OPHN1: variants seen among roughly 807,000 people sequenced by gnomAD.
OPHN1 encodes oligophrenin-1.
A neutral mutation model predicts 60.7 loss-of-function variants in OPHN1; 11 were observed. That is an observed-to-expected ratio of 0.18 (90% CI 0.11 to 0.30). The LOEUF is 0.30. Ranked by LOEUF, OPHN1 falls within the 10% of genes least tolerant of loss-of-function variation. The probability of loss-of-function intolerance (pLI) is 1.00; values close to 1 mark genes in which losing one functional copy is unlikely to be tolerated. For missense variants in OPHN1, 449 were observed against 611.0 expected (o/e 0.73, Z 2.80); for synonymous variants, 226 against 222.6 (o/e 1.02, Z -0.14).
chrX:68,408,947 C>T (rs1181175575), intron 2 of OPHN1, among the ~76,000 whole-genome samples: 1 of 112,364 alleles, frequency 8.9e-6, no homozygotes, highest in Non-Finnish European at 1.9e-5. Context: ...GGAAACAGAG[C>T]GAGACTCCGT....
At chrX:68,322,616 G>A (rs1480259060) in intron 2 of OPHN1, among the ~76,000 whole-genome samples, 5 of 110,808 alleles carry the variant, frequency 4.5e-5, no homozygotes, top group African/African-American at 1.6e-4. Context: ...ATGAAACCCC[G>A]TCTCCACTAA....
At chrX:68,266,290 T>G (rs947902318) in intron 5 of OPHN1, among the ~76,000 whole-genome samples, 2 of 111,629 alleles carry the variant, frequency 1.8e-5, no homozygotes, top group African/African-American at 6.5e-5. Context: ...AAGGTCGGGT[T>G]ACCCACAAAG....
At chrX:68,432,616 G>A (rs1046868857) in intron 2 of OPHN1, among the ~76,000 whole-genome samples, 3 of 111,776 alleles carry the variant, frequency 2.7e-5, no homozygotes, top group African/African-American at 6.5e-5. Context: ...TGCTGAGCAA[G>A]AGGGTCCCTG....
intron 15 of OPHN1, among the ~76,000 whole-genome samples, chrX:68,120,658 G>T (rs752558307): frequency 1.8e-5 from 2 of 111,853 alleles, no homozygotes; most frequent in African/African-American, 6.5e-5. Flanking sequence ...CATATGAAAT[G>T]ACAAAAGACC....
chrX:68,212,747 C>A (rs892533710), intron 7 of OPHN1, among the ~76,000 whole-genome samples: 23 of 112,238 alleles, frequency 2.0e-4, no homozygotes, highest in Non-Finnish European at 3.8e-4. Flanking sequence ...GAACTATTAA[C>A]AAATTTATTA....
chrX:68,048,469 GA>G lies in OPHN1; in HGVS notation c.2376-13del. 1 of 1,206,197 alleles carries G rather than the reference GA, an allele frequency of 8.3e-7. No homozygotes were observed. The highest frequency in any genetic ancestry group is 1.1e-6 in the Non-Finnish European group (1 of 890,703). On this transcript the variant is annotated splice_polypyrimidine_tract_variant and intron_variant, in intron 23 of 24. Coordinates refer to ENST00000355520, the MANE Select transcript of OPHN1 (RefSeq NM_002547.3). ...GTCTGCCTTGAGAACTGTGGATAAA[GA>G]AAGACGTTTCACTAAGATTCTAGAA...
At chrX:68,145,442 T>A (rs1216036977) in intron 15 of OPHN1, among the ~76,000 whole-genome samples, 3 of 111,961 alleles carry the variant, frequency 2.7e-5, no homozygotes. Flanking sequence ...AATGATGGCA[T>A]CTGAGTCAAA....
At position 68,043,860 on chromosome X, in the gene OPHN1, T is replaced by C. The variant is rs915972752; in HGVS notation, c.*3312A>G. The stretch of plus-strand genomic sequence containing the variant: ...ACTGCAGAGGCACCAAGACCTTTTC[T>C]GCTTCTAAAACTGCATTTGTGGATG... On this transcript the variant is annotated 3_prime_UTR_variant, in exon 25 of 25. Transcript: ENST00000355520. 2 of 112,230 alleles carry C rather than the reference T, an allele frequency of 1.8e-5. No individual in the cohort carries two copies. Among genetic ancestry groups the C allele is most frequent in the Non-Finnish European group, 3.8e-5 (2 of 53,310 alleles). The allele number at this position is 112,230 out of a possible 1,213,427, so 9.2% of individuals were successfully genotyped here. A position where few individuals can be genotyped will look rare whatever the true frequency, so the allele number is the denominator to read the frequency against.
chrX:68,083,054 CTTTTTTTT>C (rs869083899), intron 19 of OPHN1, among the ~76,000 whole-genome samples: 15 of 37,452 alleles, frequency 4.0e-4, no homozygotes, highest in Admixed American at 4.9e-4. Flanking sequence ...CTGCTAGTTT[CTTTTTTTT>C]TTTTTTTTTT....
Position 68,279,101 on chromosome X carries a change from C to CTTTTTTT in OPHN1, c.312+3948_312+3954dup. Among the ~76,000 whole-genome samples the CTTTTTTT allele has an allele frequency of 2.4e-3, 52 of 21,804 alleles. 4 individuals are homozygous for CTTTTTTT. Among genetic ancestry groups the CTTTTTTT allele is most frequent in the East Asian group, 0.012 (5 of 432 alleles). The allele number at this position is 21,804 out of a possible 115,157, so 18.9% of individuals were successfully genotyped here. On this transcript the variant is annotated intron_variant, in intron 4 of 24. Coordinates refer to ENST00000355520, the MANE Select transcript of OPHN1 (RefSeq NM_002547.3). ...AGACTTTTCAAGGCCCTCCCCCGCT[C>CTTTTTTT]TTTTTTTTTTTTTTTTTTTTTTTTT...
rs903015757 is a variant in OPHN1, at chrX:68,433,468, C to A, written c.-305G>T. On this transcript the variant is annotated 5_prime_UTR_variant, in exon 1 of 25. Coordinates refer to ENST00000355520, the MANE Select transcript of OPHN1 (RefSeq NM_002547.3). ...GGGAACAGCCTCTCTACAGGCTCCT[C>A]GCTCCGGAGCGAGCGGAAGACTTCC... 57 of 271,516 alleles carry A rather than the reference C, an allele frequency of 2.1e-4. No homozygotes were observed. The highest frequency in any genetic ancestry group is 1.4e-3 in the African/African-American group (50 of 36,032). 22.4% of individuals were successfully genotyped at this position (271,516 alleles called of 1,213,427 possible). A position where few individuals can be genotyped will look rare whatever the true frequency, so the allele number is the denominator to read the frequency against.
chrX:68,171,386 C>G (rs905662955), intron 15 of OPHN1, among the ~76,000 whole-genome samples: 2 of 112,011 alleles, frequency 1.8e-5, no homozygotes, highest in Non-Finnish European at 3.8e-5. Context: ...TTGGAAAACA[C>G]TTATCTGATA....
intron 14 of OPHN1, 92 bp downstream of exon 14, chrX:68,193,798 T>C: frequency 1.3e-6 from 1 of 771,332 alleles, no homozygotes; most frequent in South Asian, 2.2e-5. Context: ...TAAACAGTCT[T>C]CATTCCTAAA....
At position 68,194,534 on chromosome X, in the gene OPHN1, T is replaced by C. The variant is rs377278753; in HGVS notation, c.1105-36A>G. 409 of 1,108,548 alleles carry C rather than the reference T, an allele frequency of 3.7e-4. 1 individual carries two copies. Among genetic ancestry groups the C allele is most frequent in the Non-Finnish European group, 4.3e-4 (346 of 803,801 alleles). The allele number at this position is 1,108,548 out of a possible 1,213,427, so 91.4% of individuals were successfully genotyped here. On this transcript the variant is annotated intron_variant, in intron 12 of 24. Transcript: ENST00000355520. ...AGATAAACAGAAAGATCCATGGCTA[T>C]TGTCAATCAATATAGGAAAACAGAG...
intron 12 of OPHN1, 56 bp downstream of exon 12, chrX:68,197,130 G>C (rs1008652658): frequency 5.4e-5 from 46 of 844,936 alleles, no homozygotes; most frequent in Non-Finnish European, 8.2e-5. Context: ...TACCACTAGA[G>C]GGCACTCATA....
chrX:68,226,855 C>G (rs1041138575), intron 6 of OPHN1, among the ~76,000 whole-genome samples: 29 of 111,535 alleles, frequency 2.6e-4, no homozygotes, highest in Non-Finnish European at 4.9e-4. Context: ...ACATCATAAT[C>G]ACAGGATCAA....
intron 15 of OPHN1, among the ~76,000 whole-genome samples, chrX:68,189,726 C>G (rs938274431): frequency 9.0e-6 from 1 of 111,562 alleles, no homozygotes; most frequent in African/African-American, 3.3e-5. Flanking sequence ...TGTGACCAAC[C>G]AACCAACAGC....
At chrX:68,146,131 T>A (rs2077262916) in intron 15 of OPHN1, among the ~76,000 whole-genome samples, 1 of 112,416 alleles carries the variant, frequency 8.9e-6, no homozygotes, top group Non-Finnish European at 1.9e-5. Context: ...CATTGAAAAA[T>A]TAGTTTTCAT....
chrX:68,422,792 AGGGAGG>A (rs2078835391), intron 2 of OPHN1, among the ~76,000 whole-genome samples: 1 of 74,939 alleles, frequency 1.3e-5, no homozygotes, highest in African/African-American at 5.0e-5. Context: ...AGAGAGAGGG[AGGGAGG>A]GAGGGAGGGA....
Sources: gnomAD v4.1 joint callset for allele counts (sites outside exome capture counted in the v4.1 genomes callset) on GRCh38, gnomAD v4.1.1 for gene constraint, MANE v1.5 for transcripts, NCBI Gene and HGNC (gene_info 2026-07-23, HGNC 2026-07-21) for gene names.